The following SHC3 variants were observed in gnomAD, a reference collection of about 807,000 sequenced individuals.
The protein encoded by SHC3 is SHC adaptor protein 3.
SHC3 carries 15 observed loss-of-function variants against 60.4 expected under a neutral mutation model. The ratio of observed to expected loss-of-function variants is 0.25; its 90% CI spans 0.17 to 0.38. The LOEUF (loss-of-function observed/expected upper bound fraction) is 0.38. Among genes scored for constraint, SHC3 ranks in the 10% least tolerant of loss-of-function variants. SHC3 has a pLI of 1.00. For missense variants in SHC3, 677 were observed against 786.1 expected (o/e 0.86, Z 1.66); for synonymous variants, 294 against 325.9 (o/e 0.90, Z 1.05).
At position 89,010,925 on chromosome 9, in the gene SHC3, C is replaced by G. The variant is rs1234379004; in HGVS notation, c.*2522G>C. 3 of 152,258 alleles carry G rather than the reference C, an allele frequency of 2.0e-5. No homozygotes were observed. The highest frequency in any genetic ancestry group is 2.9e-5 in the Non-Finnish European group (2 of 68,086). 9.4% of individuals were successfully genotyped at this position (152,258 alleles called of 1,614,324 possible). ...CATGGCCTCCAGGAAGGTGTGGCAC[C>G]AGCCCCAGCCTCACTTTCCCCATGT... On this transcript the variant is annotated 3_prime_UTR_variant, in exon 12 of 12. Transcript: ENST00000375835.
At chr9:89,156,841 C>T (rs1019006040) in intron 1 of SHC3, among the ~76,000 whole-genome samples, 2 of 152,156 alleles carry the variant, frequency 1.3e-5, no homozygotes, top group African/African-American at 2.4e-5. Context: ...ATCACACATT[C>T]TTAGACAAAG....
intron 1 of SHC3, among the ~76,000 whole-genome samples, chr9:89,143,849 C>G (rs1826430568): frequency 6.6e-6 from 1 of 152,086 alleles, no homozygotes; most frequent in Non-Finnish European, 1.5e-5. Flanking sequence ...TAAGGTCATA[C>G]TCAAAACATA....
rs140935110 is a variant in SHC3, at chr9:89,070,483, G to A, written c.783+716C>T. ...TTGTGTGTGGATTCCGCCCTGTCCCGGGAGCGGGAGGTGGTTTTCTGAGTT... is the reference window on the plus strand; with the variant it reads ...TTGTGTGTGGATTCCGCCCTGTCCCAGGAGCGGGAGGTGGTTTTCTGAGTT... On this transcript the variant is annotated intron_variant, in intron 5 of 11. Transcript: ENST00000375835. Among the ~76,000 whole-genome samples the A allele has an allele frequency of 1.2e-3, 176 of 152,268 alleles. 1 individual carries two copies. The highest frequency in any genetic ancestry group is 3.7e-3 in the African/African-American group (155 of 41,550).
At chr9:89,114,025 C>G (rs1825987534) in intron 1 of SHC3, among the ~76,000 whole-genome samples, 1 of 152,140 alleles carries the variant, frequency 6.6e-6, no homozygotes, top group Admixed American at 6.6e-5. Context: ...CCAAAGCCAC[C>G]ATTGCAGAGT....
chr9:89,016,227 C>G (rs1045756039), intron 11 of SHC3, among the ~76,000 whole-genome samples: 1 of 152,076 alleles, frequency 6.6e-6, no homozygotes, highest in African/African-American at 2.4e-5. Flanking sequence ...GACCCCACAA[C>G]AGATCCCAAG....
intron 1 of SHC3, among the ~76,000 whole-genome samples, chr9:89,119,169 T>C (rs1564158148): frequency 6.6e-6 from 1 of 152,020 alleles, no homozygotes. Context: ...TGTAAAAAAT[T>C]ATATATCACT....
At chr9:89,048,610 A>G (rs532344410) in intron 7 of SHC3, among the ~76,000 whole-genome samples, 13 of 152,318 alleles carry the variant, frequency 8.5e-5, no homozygotes, top group Non-Finnish European at 1.9e-4. Context: ...TTTTGAATAT[A>G]ACAAATCAAC....
At chr9:89,079,272 A>G (rs1246840750) in intron 2 of SHC3, among the ~76,000 whole-genome samples, 2 of 152,254 alleles carry the variant, frequency 1.3e-5, no homozygotes, top group African/African-American at 4.8e-5. Context: ...CTAACTTCTT[A>G]TTAAAGAAGG....
chr9:89,142,356 T>C (rs141101620), intron 1 of SHC3, among the ~76,000 whole-genome samples: 207 of 152,026 alleles, frequency 1.4e-3, no homozygotes, highest in African/African-American at 4.9e-3. Context: ...GGTCCAGGAG[T>C]TCAAAACCAG....
intron 11 of SHC3, among the ~76,000 whole-genome samples, chr9:89,026,770 C>T (rs147222747): frequency 1.2e-3 from 179 of 152,334 alleles, no homozygotes; most frequent in African/African-American, 4.0e-3. Context: ...TGGGCGAGCA[C>T]TCACTTTCCA....
intron 6 of SHC3, among the ~76,000 whole-genome samples, chr9:89,065,060 C>G (rs1297321360): frequency 6.6e-6 from 1 of 152,112 alleles, no homozygotes; most frequent in Non-Finnish European, 1.5e-5. Context: ...CTCCCCCCAT[C>G]CAGCCTGTTC....
chr9:89,104,077 C>G (rs910021371), intron 2 of SHC3, among the ~76,000 whole-genome samples: 1 of 152,042 alleles, frequency 6.6e-6, no homozygotes, highest in Non-Finnish European at 1.5e-5. Context: ...ATGAACACCA[C>G]GGATTCATTT....
chr9:89,026,023 C>T (rs757379273), intron 11 of SHC3, among the ~76,000 whole-genome samples: 3 of 152,168 alleles, frequency 2.0e-5, no homozygotes, highest in Non-Finnish European at 2.9e-5. Flanking sequence ...GCAGGCGGAC[C>T]ACCTGAGGTC....
At chr9:89,169,588 C>T (rs1020083506) in intron 1 of SHC3, among the ~76,000 whole-genome samples, 3 of 152,110 alleles carry the variant, frequency 2.0e-5, no homozygotes, top group Non-Finnish European at 4.4e-5. Flanking sequence ...GGAATTTGGA[C>T]ATCCAGGCCA....
chr9:89,168,438 T>G (rs1199805075), intron 1 of SHC3, among the ~76,000 whole-genome samples: 1 of 152,018 alleles, frequency 6.6e-6, no homozygotes, highest in Non-Finnish European at 1.5e-5. Flanking sequence ...TACTCCAGCC[T>G]GGGCAACAAG....
rs143714581 is a variant in SHC3, at chr9:89,013,141, C to CT, written c.*305dup. ...TTTTGCCTGGACAACTACAGTTAAA[C>CT]TTATTTTTTTTTTTCATTAAAAACA... On this transcript the variant is annotated 3_prime_UTR_variant, in exon 12 of 12. Coordinates refer to ENST00000375835, the MANE Select transcript of SHC3 (RefSeq NM_016848.6). 68,251 of 168,166 alleles carry CT rather than the reference C, an allele frequency of 0.41. 14,544 individuals are homozygous for CT. The highest frequency in any genetic ancestry group is 0.67 in the East Asian group (4,401 of 6,530). 10.4% of individuals were successfully genotyped at this position (168,166 alleles called of 1,614,324 possible).
intron 2 of SHC3, among the ~76,000 whole-genome samples, chr9:89,089,917 AG>A (rs1488277345): frequency 6.6e-6 from 1 of 152,222 alleles, no homozygotes; most frequent in African/African-American, 2.4e-5. Flanking sequence ...CGTCACCCAG[AG>A]GCCTGCCGGG....
At chr9:89,027,621 C>A (rs1826342021) in intron 11 of SHC3, among the ~76,000 whole-genome samples, 3 of 151,932 alleles carry the variant, frequency 2.0e-5, no homozygotes, top group Admixed American at 2.0e-4. Flanking sequence ...CTGTGCCCGG[C>A]CAAAATGCTG....
At chr9:89,162,361 A>G (rs1040782562) in intron 1 of SHC3, among the ~76,000 whole-genome samples, 2 of 152,190 alleles carry the variant, frequency 1.3e-5, no homozygotes, top group African/African-American at 4.8e-5. Context: ...GGCTACAGTA[A>G]CCAAAACAGC....
Sources: allele counts gnomAD v4.1 joint callset (sites outside exome capture counted in the v4.1 genomes callset), GRCh38; gene constraint gnomAD v4.1.1; transcripts MANE v1.5; gene names NCBI Gene and HGNC (gene_info 2026-07-23, HGNC 2026-07-21).